GRM8: variants seen among roughly 807,000 people sequenced by gnomAD.
The protein encoded by GRM8 is metabotropic glutamate receptor 8.
A neutral mutation model predicts 87.2 loss-of-function variants in GRM8; 47 were observed. That is an observed-to-expected ratio of 0.54 (90% CI 0.43 to 0.69). The LOEUF is 0.69. Ranked by LOEUF, GRM8 falls within the 30% of genes least tolerant of loss-of-function variation. The pLI is 0.00. For synonymous variants in GRM8, 396 were observed against 404.5 expected (o/e 0.98, Z 0.25); for missense variants, 1,019 against 1,139.2 (o/e 0.89, Z 1.52).
chr7:127,232,108 T>C (rs1563597057), intron 2 of GRM8, among the ~76,000 whole-genome samples: 1 of 152,096 alleles, frequency 6.6e-6, no homozygotes, highest in Admixed American at 6.5e-5. Flanking sequence ...GTCTCAAGTT[T>C]GGCCTTCAAG....
intron 6 of GRM8, among the ~76,000 whole-genome samples, chr7:126,827,648 T>C (rs1794953015): frequency 6.6e-6 from 1 of 152,236 alleles, no homozygotes; most frequent in African/African-American, 2.4e-5. Flanking sequence ...TATATAATCA[T>C]GTCATCTGCA....
At chr7:127,217,429 C>G (rs1049930581) in intron 2 of GRM8, among the ~76,000 whole-genome samples, 1 of 152,202 alleles carries the variant, frequency 6.6e-6, no homozygotes, top group Non-Finnish European at 1.5e-5. Flanking sequence ...CAGCAACAAG[C>G]AGCTGTGAGA....
intron 3 of GRM8, among the ~76,000 whole-genome samples, chr7:126,945,672 T>G (rs1807458771): frequency 1.3e-5 from 2 of 152,224 alleles, no homozygotes; most frequent in African/African-American, 4.8e-5. Context: ...TATTCTAACA[T>G]TTGAAAGAAA....
chr7:126,611,834 G>C (rs1365946380), intron 7 of GRM8, among the ~76,000 whole-genome samples: 1 of 152,120 alleles, frequency 6.6e-6, no homozygotes, highest in Non-Finnish European at 1.5e-5. Flanking sequence ...AGTCAAGAAA[G>C]CCTCTCAAGA....
intron 3 of GRM8, among the ~76,000 whole-genome samples, chr7:127,008,854 C>A (rs1006942679): frequency 1.3e-5 from 2 of 152,138 alleles, no homozygotes; most frequent in Non-Finnish European, 2.9e-5. Flanking sequence ...AAGATGTCAA[C>A]TGCTTTGACT....
chr7:126,698,126 G>A (rs1354299649), intron 7 of GRM8, among the ~76,000 whole-genome samples: 2 of 152,078 alleles, frequency 1.3e-5, no homozygotes, highest in East Asian at 1.9e-4. Flanking sequence ...AACATGCTAC[G>A]TATTCAGGAT....
chr7:127,135,372 G>A (rs1041727375), intron 2 of GRM8, among the ~76,000 whole-genome samples: 2 of 151,906 alleles, frequency 1.3e-5, no homozygotes, highest in South Asian at 2.1e-4. Flanking sequence ...AAAATTTTAG[G>A]TGGTGTTTGA....
At chr7:126,466,911 C>G (rs1011467446) in intron 9 of GRM8, among the ~76,000 whole-genome samples, 1 of 151,916 alleles carries the variant, frequency 6.6e-6, no homozygotes, top group African/African-American at 2.4e-5. Flanking sequence ...GTTAAGTTGA[C>G]ACAAAAAACT....
At chr7:126,589,127 G>C (rs564110300) in intron 8 of GRM8, among the ~76,000 whole-genome samples, 1 of 152,164 alleles carries the variant, frequency 6.6e-6, no homozygotes, top group Non-Finnish European at 1.5e-5. Context: ...GACAGAACTT[G>C]GGGGAGAGAG....
intron 8 of GRM8, among the ~76,000 whole-genome samples, chr7:126,588,131 T>G (rs897886799): frequency 1.1e-4 from 16 of 152,156 alleles, no homozygotes; most frequent in African/African-American, 3.9e-4. Flanking sequence ...AAAAAACATA[T>G]GTACCCATGG....
rs143788220 is a variant in GRM8, at chr7:126,980,293, C to T, written c.728-75610G>A. Among the ~76,000 whole-genome samples the T allele has an allele frequency of 7.5e-3, 1,144 of 152,152 alleles. 11 individuals carry two copies. The highest frequency in any genetic ancestry group is 0.026 in the African/African-American group (1,088 of 41,500). ...TACATTCTGGTCAGAAAAAAATTAA[C>T]GATAAACAAGTCAACACCTAATGGA... is the stretch of plus-strand genomic sequence containing the variant. On this transcript the variant is annotated intron_variant, in intron 3 of 10. Coordinates refer to ENST00000339582, the MANE Select transcript of GRM8 (RefSeq NM_000845.3).
intron 3 of GRM8, among the ~76,000 whole-genome samples, chr7:127,081,395 C>T (rs527585011): frequency 2.6e-5 from 4 of 152,346 alleles, no homozygotes; most frequent in South Asian, 2.1e-4. Flanking sequence ...TGGAGCCACA[C>T]CTGGCATCAC....
At chr7:127,022,831 A>G (rs887600882) in intron 3 of GRM8, among the ~76,000 whole-genome samples, 4 of 152,068 alleles carry the variant, frequency 2.6e-5, no homozygotes, top group African/African-American at 9.7e-5. Context: ...TAGCATAGTG[A>G]CTTCAGTCCA....
chr7:126,987,404 G>A (rs773206421), intron 3 of GRM8, among the ~76,000 whole-genome samples: 5 of 151,630 alleles, frequency 3.3e-5, no homozygotes, highest in Non-Finnish European at 2.9e-5. Context: ...TGTATATTAA[G>A]TGTTACGTTC....
In GRM8 at chr7:127,098,137, G is replaced by A. The variant is rs536473433; in HGVS notation, c.727+8359C>T. Reference sequence around the variant, plus strand: ...TCAGCCCTCCTTTGAAGTTATTCTTGCCAATTACCTGGTGTTAATATTAAT... The same window carrying A: ...TCAGCCCTCCTTTGAAGTTATTCTTACCAATTACCTGGTGTTAATATTAAT... On this transcript the variant is annotated intron_variant, in intron 3 of 10. Transcript: ENST00000339582. Among the ~76,000 whole-genome samples the A allele has an allele frequency of 5.3e-5, 8 of 152,280 alleles. No homozygotes were observed. The South Asian group carries it at 1.4e-3, about 28-fold the overall frequency.
chr7:126,681,722 G>A (rs1254802314), intron 7 of GRM8, among the ~76,000 whole-genome samples: 1 of 152,168 alleles, frequency 6.6e-6, no homozygotes, highest in Non-Finnish European at 1.5e-5. Context: ...TGCTTTAAGA[G>A]GCAGACACAA....
chr7:127,075,185 G>A (rs1204424426), intron 3 of GRM8, among the ~76,000 whole-genome samples: 1 of 152,160 alleles, frequency 6.6e-6, no homozygotes, highest in East Asian at 1.9e-4. Context: ...GTGGGAGATG[G>A]GATGGTGGCA....
At chr7:126,992,309 G>A (rs1008905590) in intron 3 of GRM8, among the ~76,000 whole-genome samples, 1 of 152,148 alleles carries the variant, frequency 6.6e-6, no homozygotes, top group African/African-American at 2.4e-5. Context: ...AAGGAAGACA[G>A]GAAGAAATAA....
At chr7:126,635,995 C>T (rs560867901) in intron 7 of GRM8, among the ~76,000 whole-genome samples, 1 of 151,994 alleles carries the variant, frequency 6.6e-6, no homozygotes, top group Non-Finnish European at 1.5e-5. Context: ...TGGCATTTCA[C>T]ATATATGTAT....
Sources: allele counts gnomAD v4.1 joint callset (sites outside exome capture counted in the v4.1 genomes callset), GRCh38; gene constraint gnomAD v4.1.1; transcripts MANE v1.5; gene names NCBI Gene and HGNC (gene_info 2026-07-23, HGNC 2026-07-21).